The following ASAP1 variants were observed in gnomAD, a reference collection of about 807,000 sequenced individuals.
ASAP1 encodes arf-GAP with SH3 domain, ANK repeat and PH domain-containing protein 1.
In ASAP1, 43 loss-of-function variants were observed where a neutral mutation model predicts 145.2. That is an observed-to-expected ratio of 0.30 (90% confidence interval 0.23 to 0.38). ASAP1 has a LOEUF of 0.38. Ranked by LOEUF, ASAP1 falls within the 10% of genes least tolerant of loss-of-function variation. ASAP1 has a pLI of 1.00. For missense variants in ASAP1, 1,018 were observed against 1,355.3 expected (o/e 0.75, Z 3.91); for synonymous variants, 546 against 515.5 (o/e 1.06, Z -0.80).
intron 3 of ASAP1, among the ~76,000 whole-genome samples, chr8:130,258,539 G>A (rs563029852): frequency 1.4e-4 from 22 of 152,282 alleles, no homozygotes; most frequent in African/African-American, 5.3e-4. Context: ...CAACAGAGAC[G>A]AGAGCCCAGA....
rs1386870521 is a variant in ASAP1, at chr8:130,232,491, T to C, written c.259+4431A>G. ...ACTGAATGGCTTGGAGAATTTTCCATTGGTCTAAGTAGTTCACAGAATTGA... is the reference window on the plus strand; with the variant it reads ...ACTGAATGGCTTGGAGAATTTTCCACTGGTCTAAGTAGTTCACAGAATTGA... On this transcript the variant is annotated intron_variant, in intron 4 of 29. Coordinates refer to ENST00000518721, the MANE Select transcript of ASAP1 (RefSeq NM_018482.4). 1.3e-5 allele frequency among the ~76,000 whole-genome samples: 2 copies of C among 152,182 alleles called. 1 individual carries two copies. Among genetic ancestry groups the C allele is most frequent in the Non-Finnish European group, 2.9e-5 (2 of 68,032 alleles).
chr8:130,351,243 GA>G (rs1425079417), intron 3 of ASAP1, among the ~76,000 whole-genome samples: 1 of 152,166 alleles, frequency 6.6e-6, no homozygotes, highest in Non-Finnish European at 1.5e-5. Flanking sequence ...AAATACAGAA[GA>G]AACGGAATGG....
chr8:130,292,904 T>A (rs1357646263), intron 3 of ASAP1, among the ~76,000 whole-genome samples: 1 of 152,192 alleles, frequency 6.6e-6, no homozygotes, highest in African/African-American at 2.4e-5. Flanking sequence ...GAGAAAAGGA[T>A]CTATATAAAA....
At chr8:130,146,282 C>G (rs960135545) in intron 13 of ASAP1, among the ~76,000 whole-genome samples, 4 of 151,926 alleles carry the variant, frequency 2.6e-5, no homozygotes, top group Non-Finnish European at 4.4e-5. Context: ...CCTTTTTACC[C>G]CTTAGTAAAA....
intron 4 of ASAP1, among the ~76,000 whole-genome samples, chr8:130,217,631 G>A (rs1361224112): frequency 6.6e-6 from 1 of 151,822 alleles, no homozygotes; most frequent in African/African-American, 2.4e-5. Context: ...CCTACCCAAT[G>A]GACACTGCTG....
chr8:130,350,253 C>A (rs571457480), intron 3 of ASAP1, among the ~76,000 whole-genome samples: 41 of 152,196 alleles, frequency 2.7e-4, no homozygotes, highest in Non-Finnish European at 3.8e-4. Flanking sequence ...GGAGGACTCC[C>A]AGACTGTGAA....
chr8:130,110,404 G>C (rs909872909), intron 24 of ASAP1, among the ~76,000 whole-genome samples: 1 of 152,180 alleles, frequency 6.6e-6, no homozygotes, highest in African/African-American at 2.4e-5. Flanking sequence ...ATTGTATTCA[G>C]TCTGGAGGCT....
intron 23 of ASAP1, among the ~76,000 whole-genome samples, chr8:130,114,023 C>T (rs577802997): frequency 5.1e-4 from 77 of 152,262 alleles, no homozygotes; most frequent in African/African-American, 1.7e-3. Flanking sequence ...CTCAAGGCAT[C>T]CACCCGTCTC....
At chr8:130,193,491 C>T (rs765317845) in intron 5 of ASAP1, among the ~76,000 whole-genome samples, 17 of 151,716 alleles carry the variant, frequency 1.1e-4, no homozygotes, top group Non-Finnish European at 2.1e-4. Flanking sequence ...GGAAACTGGG[C>T]AAAGAAATAG....
chr8:130,122,579 T>C (rs1363562410), intron 18 of ASAP1, among the ~76,000 whole-genome samples: 1 of 152,164 alleles, frequency 6.6e-6, no homozygotes, highest in Non-Finnish European at 1.5e-5. Flanking sequence ...CACAACCCTA[T>C]GAGGTAGATA....
rs2097416767 is a variant in ASAP1 at position 130,060,517 on chromosome 8, C to A, written c.3192+62G>T. 33 of 1,525,364 alleles carry A rather than the reference C, an allele frequency of 2.2e-5. No homozygotes were observed. In the South Asian group the frequency reaches 4.0e-4, roughly 18 times the overall value. The allele number at this position is 1,525,364 out of a possible 1,614,324, so 94.5% of individuals were successfully genotyped here. A position where few individuals can be genotyped will look rare whatever the true frequency, so the allele number is the denominator to read the frequency against. On this transcript the variant is annotated intron_variant, in intron 28 of 29. Coordinates refer to ENST00000518721, the MANE Select transcript of ASAP1 (RefSeq NM_018482.4). ...TCTTGTGTAAGTTGGAGCACCTGCC[C>A]TCCCACCAACTTGCAAAGTGCGGAA...
At chr8:130,282,040 G>C (rs1268646836) in intron 3 of ASAP1, among the ~76,000 whole-genome samples, 2 of 148,054 alleles carry the variant, frequency 1.4e-5, no homozygotes, top group East Asian at 2.0e-4. Context: ...TTACACTCCA[G>C]TCCAGGCGAC....
chr8:130,190,726 C>A (rs1204570652), intron 5 of ASAP1, among the ~76,000 whole-genome samples: 1 of 152,148 alleles, frequency 6.6e-6, no homozygotes, highest in Non-Finnish European at 1.5e-5. Context: ...CCATATTAGT[C>A]ATGCTGGTCT....
chr8:130,149,555 T>C (rs2097641279), intron 13 of ASAP1, among the ~76,000 whole-genome samples: 1 of 152,138 alleles, frequency 6.6e-6, no homozygotes, highest in African/African-American at 2.4e-5. Flanking sequence ...TCTAAATGCA[T>C]ACTTGGCCTT....
rs10568607 is a variant in ASAP1 at position 130,108,757 on chromosome 8, GTTTTTTTTTTTTTT to G, written c.2401+3323_2401+3336del. On this transcript the variant is annotated intron_variant, in intron 24 of 29. Transcript: ENST00000518721. ...TAATCTTGGCAAGCCTCAAAAACCA[GTTTTTTTTTTTTTT>G]TTTTTTTTTTTTTTTTTTTTTGAGA... 1.7e-3 allele frequency among the ~76,000 whole-genome samples: 90 copies of G among 51,554 alleles called. 2 individuals are homozygous for G. The South Asian group carries it at 0.035, about 20-fold the overall frequency. 33.8% of individuals were successfully genotyped at this position (51,554 alleles called of 152,430 possible). A position where few individuals can be genotyped will look rare whatever the true frequency, so the allele number is the denominator to read the frequency against.
intron 28 of ASAP1, among the ~76,000 whole-genome samples, chr8:130,059,488 G>A (rs1030062431): frequency 1.3e-5 from 2 of 151,784 alleles, no homozygotes; most frequent in Non-Finnish European, 2.9e-5. Flanking sequence ...TTTGAGACAG[G>A]GTCTTGCTCT....
chr8:130,266,315 A>G (rs1277198888), intron 3 of ASAP1, among the ~76,000 whole-genome samples: 2 of 152,166 alleles, frequency 1.3e-5, no homozygotes. Flanking sequence ...TCAAGCTGCA[A>G]AGTGATTGTA....
At chr8:130,380,391 T>C (rs146979132) in intron 2 of ASAP1, among the ~76,000 whole-genome samples, 10 of 152,302 alleles carry the variant, frequency 6.6e-5, no homozygotes, top group South Asian at 4.1e-4. Context: ...ACTTCTGACC[T>C]GCCCTGCATG....
In ASAP1 at chr8:130,358,813, C is replaced by G. The variant is rs1004434631; in HGVS notation, c.60-670G>C. ...GCTCCGAAGCTGCCGCTCCCGACCC[C>G]GGCTGCGCGGCACGGGGGCTCCGGA... On this transcript the variant is annotated intron_variant, in intron 2 of 29. Coordinates refer to ENST00000518721, the MANE Select transcript of ASAP1 (RefSeq NM_018482.4). The surrounding 1 kb of genome is among the most constrained non-coding windows in gnomAD (Gnocchi z 4.1). Among the ~76,000 whole-genome samples the G allele has an allele frequency of 6.6e-6, 1 of 151,066 alleles. No homozygotes were observed.
Sources: gnomAD v4.1 joint callset for allele counts (sites outside exome capture counted in the v4.1 genomes callset) on GRCh38, gnomAD v4.1.1 for gene constraint, Gnocchi (gnomAD v3.1) non-coding constraint, MANE v1.5 for transcripts, NCBI Gene and HGNC (gene_info 2026-07-23, HGNC 2026-07-21) for gene names.